The following CNNM3 variants were observed in gnomAD, a reference collection of about 807,000 sequenced individuals.
CNNM3 encodes the protein cyclin and CBS domain divalent metal cation transport mediator 3, also known as metal transporter CNNM3.
In CNNM3, 47 loss-of-function variants were observed where a neutral mutation model predicts 57.1. The ratio of observed to expected loss-of-function variants is 0.82; its 90% CI spans 0.65 to 1.05. The LOEUF (loss-of-function observed/expected upper bound fraction) is 1.05, where lower values mean the gene tolerates loss of function less well. Ranked by LOEUF, CNNM3 falls within the 50% of genes least tolerant of loss-of-function variation. The pLI, the probability that CNNM3 is intolerant of heterozygous loss-of-function variation, is 0.00. For synonymous variants in CNNM3, 507 were observed against 478.2 expected, an observed-to-expected ratio of 1.06 and a Z score of -0.79; for missense variants, 957 against 973.7, an observed-to-expected ratio of 0.98 and a Z score of 0.23.
rs1320149 is a variant in CNNM3 at position 96,828,140 on chromosome 2, T to C, written c.1731T>C (p.Phe577=). ...EVEIGKEGLK[F]ENGAFTYYGV... ...AGATCGGGAAAGAGGGTCTGAAGTT[T>C]GAGAATGGGGCCTTCACGTACTATG... The change falls in exon 5 of 8, where the codon TTT becomes TTC. Residue 577 remains phenylalanine (F), a synonymous_variant. Transcript: ENST00000305510. The C allele has an allele frequency of 0.12, 187,361 of 1,613,686 alleles. 27,264 individuals are homozygous for C. The highest frequency in any genetic ancestry group is 0.74 in the African/African-American group (55,301 of 74,894).
intron 7 of CNNM3, chr2:96,832,295 C>T (rs939973222): frequency 1.0e-6 from 1 of 985,256 alleles, no homozygotes; most frequent in Non-Finnish European, 1.2e-6. Flanking sequence ...CGGGAAGGTG[C>T]CTCTTGTTCA....
chr2:96,820,984 G>T (rs1044246331), intron 1 of CNNM3, among the ~76,000 whole-genome samples: 15 of 152,170 alleles, frequency 9.9e-5, no homozygotes, highest in Non-Finnish European at 1.9e-4. Flanking sequence ...AGGAGGATTT[G>T]GGGTTGAGTG....
At chr2:96,826,748 A>G in intron 2 of CNNM3, 85 bp from the exon 3 acceptor site, 1 of 1,522,258 alleles carries the variant, frequency 6.6e-7, no homozygotes, top group Non-Finnish European at 9.0e-7. Context: ...CTCAGGAGGA[A>G]GGAGCAGGCG....
chr2:96,827,974 C>T (rs1315211357), intron 4 of CNNM3, 74 bp downstream of exon 4: 10 of 1,576,376 alleles, frequency 6.3e-6, no homozygotes, highest in Non-Finnish European at 8.7e-6. Context: ...AAGAGGGGAG[C>T]AGGGGCATGC....
At chr2:96,818,843 A>G (rs1464487105) in intron 1 of CNNM3, among the ~76,000 whole-genome samples, 1 of 152,220 alleles carries the variant, frequency 6.6e-6, no homozygotes, top group East Asian at 1.9e-4. Context: ...AAAGGCTGCC[A>G]GCTGTAAGGC....
At chr2:96,828,483 G>A (rs1204793640) in intron 5 of CNNM3, 84 bp from the exon 6 acceptor site, 13 of 1,552,164 alleles carry the variant, frequency 8.4e-6, no homozygotes, top group Admixed American at 5.3e-5. Flanking sequence ...GTGGGTCTTC[G>A]AAACTGTACA....
At chr2:96,827,697 A>C (rs982104142) in intron 3 of CNNM3, 34 bp from the exon 4 acceptor site, 1 of 1,597,612 alleles carries the variant, frequency 6.3e-7, no homozygotes, top group Non-Finnish European at 8.6e-7. Flanking sequence ...ACTAGGCCCC[A>C]GTGGACACTG....
Position 96,834,623 on chromosome 2 carries a change from A to G in CNNM3, c.*2007A>G, listed in dbSNP as rs1443521596. Among the ~76,000 whole-genome samples the G allele has an allele frequency of 6.8e-6, 1 of 147,922 alleles. No individual in the cohort carries two copies. The stretch of plus-strand genomic sequence containing the variant: ...CTCGGCCTCCCAAAGTGTTGAGATT[A>G]TAGGCGTGAGCCACCGTGCCCAGAT... On this transcript the variant is annotated 3_prime_UTR_variant, in exon 8 of 8. Coordinates refer to ENST00000305510, the MANE Select transcript of CNNM3 (RefSeq NM_017623.5).
At chr2:96,830,074 A>G (rs1483895219) in intron 7 of CNNM3, among the ~76,000 whole-genome samples, 1 of 152,226 alleles carries the variant, frequency 6.6e-6, no homozygotes, top group East Asian at 1.9e-4. Flanking sequence ...AAGAGTCTGA[A>G]GTGTAGGCTG....
chr2:96,832,193 CCCTT>C, intron 7 of CNNM3: 1 of 1,040,690 alleles, frequency 9.6e-7, no homozygotes, highest in South Asian at 3.4e-5. Flanking sequence ...GGTGGGCGCT[CCCTT>C]CCATCCTTCT....
intron 2 of CNNM3, among the ~76,000 whole-genome samples, chr2:96,826,268 AG>A (rs2079502998): frequency 6.6e-6 from 1 of 151,980 alleles, no homozygotes; most frequent in Non-Finnish European, 1.5e-5. Context: ...GCTGGAGTAC[AG>A]TGGCGCATTC....
Position 96,825,086 on chromosome 2 carries a change from G to C in CNNM3, c.1254G>C (p.Lys418Asn), listed in dbSNP as rs2153354729. ...AGTCCCACCTGGCCATCGTGCAGAA[G>C]GTGAACAACGAGGGTGAAGGCGACC... The part of the protein sequence containing the change: ...RGKSHLAIVQ[K>N]VNNEGEGDPF... The change falls in exon 2 of 8, where the codon AAG becomes AAC. Residue 418 changes from lysine (K) to asparagine (N), a missense_variant. Physicochemically the swap from Lys to Asn is moderately conservative, Grantham distance 94 (BLOSUM62 0). Transcript: ENST00000305510. The C allele has an allele frequency of 6.2e-7, 1 of 1,613,514 alleles. No homozygotes were observed.
chr2:96,825,127 T>G lies in CNNM3; in HGVS notation c.1295T>G (p.Leu432Arg), dbSNP rs1338878981. ...EGEGDPFYEV[L>R]GLVTLEDVIE... ...GAAGGCGACCCCTTCTACGAGGTCC[T>G]GGGCCTGGTCACCCTGGAGGACGTG... The change falls in exon 2 of 8, where the codon CTG becomes CGG. Residue 432 changes from leucine to arginine, a missense_variant. Leu to Arg is a moderately radical substitution (Grantham distance 102, BLOSUM62 -2). Coordinates refer to ENST00000305510, the MANE Select transcript of CNNM3 (RefSeq NM_017623.5). The G allele has an allele frequency of 6.2e-6, 10 of 1,614,120 alleles. No homozygotes were observed. Among genetic ancestry groups the G allele is most frequent in the Non-Finnish European group, 8.5e-6 (10 of 1,180,010 alleles).
rs1161853426 is a variant in CNNM3, at chr2:96,829,008, C to T, written c.1933C>T (p.Gln645Ter). ...TGTCATCCTCCAGGTTACGCGACTGCAGTACCTCAATGCACTCCTGGCTAC... is the reference window on the plus strand; with the variant it reads ...TGTCATCCTCCAGGTTACGCGACTGTAGTACCTCAATGCACTCCTGGCTAC... ...DLQLIKVTRL[Q>*]YLNALLATRA... The change falls in exon 7 of 8, where the codon CAG (glutamine) becomes TAG (stop). Residue 645 changes from glutamine to a stop codon, truncating the protein, a stop_gained. Transcript: ENST00000305510. LOFTEE classifies it high-confidence loss of function. The T allele has an allele frequency of 1.2e-6, 2 of 1,613,998 alleles. No individual in the cohort carries two copies. The highest frequency in any genetic ancestry group is 1.7e-6 in the Non-Finnish European group (2 of 1,179,922).
At chr2:96,828,894 A>C in intron 6 of CNNM3, 102 bp from the exon 7 acceptor site, 1 of 1,544,804 alleles carries the variant, frequency 6.5e-7, no homozygotes, top group Non-Finnish European at 8.8e-7. Flanking sequence ...TAACTAGCTT[A>C]AAGTTGTGCC....
Position 96,832,424 on chromosome 2 carries a change from A to G in CNNM3, c.2060-128A>G. 3.3e-6 allele frequency: 5 copies of G among 1,534,838 alleles called. No homozygotes were observed. The South Asian group carries it at 5.0e-5, about 15-fold the overall frequency. On this transcript the variant is annotated intron_variant, in intron 7 of 7. Coordinates refer to ENST00000305510, the MANE Select transcript of CNNM3 (RefSeq NM_017623.5). Reference sequence around the variant, plus strand: ...CAGTCGCTCCTGTTTCTGCTCTGATACTTCCCAAGGCATCCCGAAGCACCT... The same window carrying G: ...CAGTCGCTCCTGTTTCTGCTCTGATGCTTCCCAAGGCATCCCGAAGCACCT...
At chr2:96,823,860 C>T (rs1364697877) in intron 1 of CNNM3, among the ~76,000 whole-genome samples, 1 of 152,190 alleles carries the variant, frequency 6.6e-6, no homozygotes, top group African/African-American at 2.4e-5. Flanking sequence ...GCAGCCCCCT[C>T]CACCTGGGGC....
downstream of CNNM3, among the ~76,000 whole-genome samples, chr2:96,835,674 A>G (rs1383351026): frequency 1.3e-5 from 2 of 152,024 alleles, no homozygotes; most frequent in Admixed American, 1.3e-4. Context: ...TCACCATGTT[A>G]GCCAGGATGG....
chr2:96,825,030 C>T (rs1481787871), intron 1 of CNNM3, 28 bp from the exon 2 acceptor site: 1 of 1,610,930 alleles, frequency 6.2e-7, no homozygotes, highest in African/African-American at 1.3e-5. Flanking sequence ...GCCCAGCAAG[C>T]TGTTCCATGA....
Sources: gnomAD v4.1 joint callset for allele counts (sites outside exome capture counted in the v4.1 genomes callset) on GRCh38, gnomAD v4.1.1 for gene constraint, MANE v1.5 for transcripts, NCBI Gene and HGNC (gene_info 2026-07-23, HGNC 2026-07-21) for gene names.